The following MARCHF4 variants were observed in gnomAD, a reference collection of about 807,000 sequenced individuals.
The protein encoded by MARCHF4 is membrane associated ring-CH-type finger 4.
Under a neutral mutation model 43.9 loss-of-function variants are expected in MARCHF4, and 14 were observed. The observed-to-expected ratio is 0.32, with a 90% CI of 0.21 to 0.50. The LOEUF is 0.50. Among genes scored for constraint, MARCHF4 ranks in the 20% least tolerant of loss-of-function variants. The pLI, the probability that MARCHF4 is intolerant of heterozygous loss-of-function variation, is 0.98. For missense variants in MARCHF4, 468 were observed against 536.7 expected, an observed-to-expected ratio of 0.87 and a Z score of 1.27; for synonymous variants, 226 against 213.3, an observed-to-expected ratio of 1.06 and a Z score of -0.52.
chr2:216,316,391 A>G (rs1419658772), intron 1 of MARCHF4, among the ~76,000 whole-genome samples: 2 of 152,164 alleles, frequency 1.3e-5, no homozygotes, highest in African/African-American at 2.4e-5. Context: ...TCCCTCTTGA[A>G]CATGTGGGAA....
At chr2:216,344,304 T>C (rs1292596284) in intron 1 of MARCHF4, among the ~76,000 whole-genome samples, 1 of 152,136 alleles carries the variant, frequency 6.6e-6, no homozygotes, top group Non-Finnish European at 1.5e-5. Context: ...CTCTACATAA[T>C]GTACTCTGAC....
chr2:216,312,013 C>G (rs187527030), intron 1 of MARCHF4, among the ~76,000 whole-genome samples: 1 of 152,094 alleles, frequency 6.6e-6, no homozygotes, highest in Non-Finnish European at 1.5e-5. Flanking sequence ...AGAATACATA[C>G]GCATGTTTGT....
intron 1 of MARCHF4, among the ~76,000 whole-genome samples, chr2:216,312,010 A>C (rs1372632553): frequency 1.3e-5 from 2 of 152,266 alleles, no homozygotes; most frequent in Non-Finnish European, 2.9e-5. Flanking sequence ...TCAAGAATAC[A>C]TACGCATGTT....
chr2:216,334,999 C>T (rs1480779601), intron 1 of MARCHF4, among the ~76,000 whole-genome samples: 2 of 152,182 alleles, frequency 1.3e-5, no homozygotes, highest in African/African-American at 2.4e-5. Context: ...TGGCTATGTG[C>T]TACTTCCAGT....
chr2:216,299,549 CAT>C (rs1691454710), intron 1 of MARCHF4, among the ~76,000 whole-genome samples: 1 of 152,204 alleles, frequency 6.6e-6, no homozygotes, highest in Non-Finnish European at 1.5e-5. Flanking sequence ...TGGTTAAAAA[CAT>C]ATCTTAATCT....
intron 3 of MARCHF4, among the ~76,000 whole-genome samples, chr2:216,262,563 G>T (rs1690758948): frequency 1.3e-5 from 2 of 152,152 alleles, no homozygotes; most frequent in African/African-American, 4.8e-5. Flanking sequence ...AGTGAATGGG[G>T]GGTGATGGTC....
chr2:216,370,328 T>C lies in MARCHF4; in HGVS notation c.-68A>G. The C allele has an allele frequency of 6.9e-7, 1 of 1,443,378 alleles. No homozygotes were observed. The allele number at this position is 1,443,378 out of a possible 1,614,324, so 89.4% of individuals were successfully genotyped here. A position where few individuals can be genotyped will look rare whatever the true frequency, so the allele number is the denominator to read the frequency against. On this transcript the variant is annotated 5_prime_UTR_variant, in exon 1 of 4. Transcript: ENST00000273067. ...CTTAAAAGAGGGGGACAGGACAGGT[T>C]TTGGGGGTCCACAGTGGATCTGTGT...
At chr2:216,321,356 G>GT (rs552866250) in intron 1 of MARCHF4, among the ~76,000 whole-genome samples, 22 of 152,254 alleles carry the variant, frequency 1.4e-4, no homozygotes, top group African/African-American at 5.1e-4. Flanking sequence ...ATTAACATAT[G>GT]TATATCCATA....
intron 1 of MARCHF4, among the ~76,000 whole-genome samples, chr2:216,350,883 C>T (rs1227465897): frequency 2.6e-5 from 4 of 152,200 alleles, no homozygotes; most frequent in Non-Finnish European, 4.4e-5. Context: ...ATGCTTGGCA[C>T]ATCACAGGTA....
intron 1 of MARCHF4, among the ~76,000 whole-genome samples, chr2:216,355,111 A>C (rs963547349): frequency 6.6e-6 from 1 of 151,946 alleles, no homozygotes; most frequent in Non-Finnish European, 1.5e-5. Context: ...AGTTGGGATT[A>C]CAGGCATGTG....
chr2:216,258,510 GTGTGT>G lies in MARCHF4; in HGVS notation c.*797_*801del, dbSNP rs1690688037. ...GAAATCTGTACTTTTCTCTAGGGGT[GTGTGT>G]GTGTGTGTGTGTGTGTGTGTGTGTG... On this transcript the variant is annotated 3_prime_UTR_variant, in exon 4 of 4. Transcript: ENST00000273067. 1 of 105,734 alleles carries G rather than the reference GTGTGT, an allele frequency of 9.5e-6. No homozygotes were observed. The highest frequency in any genetic ancestry group is 6.1e-4 in the East Asian group (1 of 1,648). The allele number at this position is 105,734 out of a possible 1,614,324, so 6.5% of individuals were successfully genotyped here.
chr2:216,320,541 T>G (rs1048916298), intron 1 of MARCHF4, among the ~76,000 whole-genome samples: 1 of 152,162 alleles, frequency 6.6e-6, no homozygotes, highest in Non-Finnish European at 1.5e-5. Flanking sequence ...CCAAGGCCCA[T>G]GTTTTAAGCC....
chr2:216,327,937 T>A (rs1189252836), intron 1 of MARCHF4, among the ~76,000 whole-genome samples: 5 of 148,140 alleles, frequency 3.4e-5, no homozygotes, highest in African/African-American at 7.8e-5. Context: ...TGTGAAATAT[T>A]TTTTTTTAAT....
chr2:216,331,256 A>G (rs938697853), intron 1 of MARCHF4, among the ~76,000 whole-genome samples: 4 of 152,104 alleles, frequency 2.6e-5, no homozygotes, highest in Non-Finnish European at 5.9e-5. Context: ...TAGAAAATTT[A>G]GGTAAATGGA....
At chr2:216,268,569 A>T (rs1690884003) in intron 3 of MARCHF4, among the ~76,000 whole-genome samples, 1 of 152,178 alleles carries the variant, frequency 6.6e-6, no homozygotes, top group Admixed American at 6.5e-5. Flanking sequence ...CCATGATTGT[A>T]AGTTTCCTGG....
At chr2:216,350,166 G>A (rs960654450) in intron 1 of MARCHF4, among the ~76,000 whole-genome samples, 3 of 150,458 alleles carry the variant, frequency 2.0e-5, no homozygotes, top group African/African-American at 4.9e-5. Flanking sequence ...GCTATGCCAT[G>A]GCATTACACT....
chr2:216,344,847 T>C (rs1463322119), intron 1 of MARCHF4, among the ~76,000 whole-genome samples: 1 of 151,652 alleles, frequency 6.6e-6, no homozygotes, highest in African/African-American at 2.4e-5. Flanking sequence ...CACGTGGAGA[T>C]GGAAAATCCT....
intron 1 of MARCHF4, among the ~76,000 whole-genome samples, chr2:216,291,437 G>C (rs1691306576): frequency 6.6e-6 from 1 of 152,176 alleles, no homozygotes; most frequent in Non-Finnish European, 1.5e-5. Context: ...AGTCATCCAG[G>C]AGAGTTCTAG....
intron 1 of MARCHF4, among the ~76,000 whole-genome samples, chr2:216,329,622 G>A (rs1373919532): frequency 7.9e-6 from 1 of 127,288 alleles, no homozygotes; most frequent in Non-Finnish European, 1.6e-5. Flanking sequence ...AAAACAGGTA[G>A]GACAAATAAA....
Sources: gnomAD v4.1 joint callset for allele counts (sites outside exome capture counted in the v4.1 genomes callset) on GRCh38, gnomAD v4.1.1 for gene constraint, MANE v1.5 for transcripts, NCBI Gene and HGNC (gene_info 2026-07-23, HGNC 2026-07-21) for gene names.